CCDC91: variants seen among roughly 807,000 people sequenced by gnomAD.
The protein encoded by CCDC91 is coiled-coil domain containing 91.
Under a neutral mutation model 63.2 loss-of-function variants are expected in CCDC91, and 48 were observed. That is an observed-to-expected ratio of 0.76 (90% CI 0.60 to 0.97). CCDC91 has a LOEUF of 0.97. CCDC91 is among the 50% of genes least tolerant of loss of function. The pLI, the probability that CCDC91 is intolerant of heterozygous loss-of-function variation, is 0.00. For synonymous variants in CCDC91, 167 were observed against 165.8 expected (o/e 1.01, Z -0.06); for missense variants, 500 against 494.6 (o/e 1.01, Z -0.10).
chr12:28,486,890 A>G lies in CCDC91; in HGVS notation c.1215+2725A>G, dbSNP rs149058200. The stretch of plus-strand genomic sequence containing the variant: ...GTTTCCTTATATATTAAGGAGAATA[A>G]ATCTAATACCTACCTTGCAGAGTTG... On this transcript the variant is annotated intron_variant, in intron 12 of 12. Coordinates refer to ENST00000536442, the MANE Select transcript of CCDC91 (RefSeq NM_018318.5). 6.6e-5 allele frequency among the ~76,000 whole-genome samples: 10 copies of G among 152,136 alleles called. 1 individual carries two copies. Among genetic ancestry groups the G allele is most frequent in the African/African-American group, 2.2e-4 (9 of 41,562 alleles).
Position 28,396,644 on chromosome 12 carries a change from T to G in CCDC91, c.762+5233T>G, listed in dbSNP as rs2638951. 1.1e-3 allele frequency among the ~76,000 whole-genome samples: 18 copies of G among 15,730 alleles called. 1 individual carries two copies. The highest frequency in any genetic ancestry group is 0.029 in the South Asian group (2 of 68). The allele number at this position is 15,730 out of a possible 152,430, so 10.3% of individuals were successfully genotyped here. ...TAGATGCTCATTGATAAAGGAGATTTTGTGTGTGTGTGTGTGTGTGTGTGT... is the reference window on the plus strand; with the variant it reads ...TAGATGCTCATTGATAAAGGAGATTGTGTGTGTGTGTGTGTGTGTGTGTGT... On this transcript the variant is annotated intron_variant, in intron 8 of 12. Transcript: ENST00000536442.
chr12:28,441,079 AAAAAAG>A (rs1367514239), intron 8 of CCDC91, among the ~76,000 whole-genome samples: 4 of 23,714 alleles, frequency 1.7e-4, no homozygotes, highest in Non-Finnish European at 2.9e-4. Context: ...AAAAAAAAAA[AAAAAAG>A]AAAAGAAAAA....
chr12:28,503,389 C>T (rs1938235115), intron 12 of CCDC91, among the ~76,000 whole-genome samples: 1 of 152,174 alleles, frequency 6.6e-6, no homozygotes, highest in Non-Finnish European at 1.5e-5. Flanking sequence ...AATGAGATAC[C>T]ACCTCACACC....
chr12:28,293,020 A>G (rs1949343321), intron 3 of CCDC91, among the ~76,000 whole-genome samples: 2 of 152,232 alleles, frequency 1.3e-5, no homozygotes, highest in African/African-American at 2.4e-5. Context: ...TCTTTTTCAT[A>G]GATATTTCTA....
intron 11 of CCDC91, among the ~76,000 whole-genome samples, chr12:28,471,599 G>A (rs958661105): frequency 4.3e-4 from 66 of 152,122 alleles, no homozygotes; most frequent in Non-Finnish European, 7.8e-4. Flanking sequence ...GGTCAAGGAA[G>A]TTGTATCTCC....
intron 7 of CCDC91, among the ~76,000 whole-genome samples, chr12:28,367,445 T>C (rs1226411660): frequency 2.0e-5 from 3 of 152,018 alleles, no homozygotes; most frequent in Non-Finnish European, 1.5e-5. Flanking sequence ...ATTCGAACAG[T>C]ATAGAGAAAA....
intron 11 of CCDC91, among the ~76,000 whole-genome samples, chr12:28,472,045 C>T (rs1191533692): frequency 6.6e-6 from 1 of 152,212 alleles, no homozygotes; most frequent in Non-Finnish European, 1.5e-5. Context: ...GCCACCACGC[C>T]CGGCCCATTG....
At chr12:28,224,743 A>AT (rs1944164672) in intron 1 of CCDC91, among the ~76,000 whole-genome samples, 1 of 152,200 alleles carries the variant, frequency 6.6e-6, no homozygotes, top group Non-Finnish European at 1.5e-5. Context: ...TGCTATTCAC[A>AT]TTTCTGGCCA....
At chr12:28,201,073 C>T (rs528860993) in intron 1 of CCDC91, among the ~76,000 whole-genome samples, 23 of 148,952 alleles carry the variant, frequency 1.5e-4, no homozygotes, top group African/African-American at 4.7e-4. Flanking sequence ...CCAGTAGAGG[C>T]GGCAGGGCAG....
rs184661497 is a variant in CCDC91, at chr12:28,493,146, T to A, written c.1215+8981T>A. On this transcript the variant is annotated intron_variant, in intron 12 of 12. Coordinates refer to ENST00000536442, the MANE Select transcript of CCDC91 (RefSeq NM_018318.5). Reference sequence around the variant, plus strand: ...ACTGTCTCAATCCTCACAACAACCCTAAAATAATACCTCATTTTACAGATA... The same window carrying A: ...ACTGTCTCAATCCTCACAACAACCCAAAAATAATACCTCATTTTACAGATA... Among the ~76,000 whole-genome samples, 337 of 151,756 alleles carry A rather than the reference T, an allele frequency of 2.2e-3. 6 individuals are homozygous for A. The highest frequency in any genetic ancestry group is 7.6e-3 in the African/African-American group (316 of 41,492).
intron 1 of CCDC91, among the ~76,000 whole-genome samples, chr12:28,221,531 T>C (rs551400541): frequency 1.2e-4 from 19 of 152,366 alleles, no homozygotes; most frequent in African/African-American, 4.6e-4. Flanking sequence ...TCTGACTCTT[T>C]GTTATGTCAC....
rs1258552606 is a variant in CCDC91, at chr12:28,524,419, G to A, written c.1216-24644G>A. Among the ~76,000 whole-genome samples, 3 of 152,056 alleles carry A rather than the reference G, an allele frequency of 2.0e-5. No individual in the cohort carries two copies. In the East Asian group the frequency reaches 5.8e-4, roughly 29 times the overall value. On this transcript the variant is annotated intron_variant, in intron 12 of 12. Transcript: ENST00000536442. The stretch of plus-strand genomic sequence containing the variant: ...GTATCACATTTATTGACTTGCATAT[G>A]TTAAACTATCCCTGCATCCCTGGTA...
chr12:28,246,601 T>G (rs1945752998), intron 1 of CCDC91, among the ~76,000 whole-genome samples: 1 of 152,136 alleles, frequency 6.6e-6, no homozygotes, highest in Admixed American at 6.5e-5. Context: ...GAGTTGAGAT[T>G]GACATGATAG....
At chr12:28,359,789 C>CTTTTTTTTTTTTTTTTTTTTTTTTT (rs1565853581) in intron 6 of CCDC91, among the ~76,000 whole-genome samples, 3 of 150,402 alleles carry the variant, frequency 2.0e-5, no homozygotes, top group African/African-American at 7.5e-5. Flanking sequence ...TTTCTATTTA[C>CTTTTTTTTTTTTTTTTTTTTTTTTT]TTTTAAAATC....
At chr12:28,234,758 GT>G (rs112846782) in intron 1 of CCDC91, among the ~76,000 whole-genome samples, 192 of 142,884 alleles carry the variant, frequency 1.3e-3, no homozygotes, top group Non-Finnish European at 1.8e-3. Context: ...TAATTTGAAA[GT>G]TTTTTTTTTT....
chr12:28,206,587 G>A (rs1180561006), intron 1 of CCDC91, among the ~76,000 whole-genome samples: 1 of 152,128 alleles, frequency 6.6e-6, no homozygotes, highest in Non-Finnish European at 1.5e-5. Flanking sequence ...CAGAGAATGA[G>A]CTAGATAAAG....
intron 12 of CCDC91, among the ~76,000 whole-genome samples, chr12:28,514,602 A>C (rs1275386038): frequency 2.0e-5 from 3 of 151,978 alleles, no homozygotes; most frequent in African/African-American, 7.2e-5. Flanking sequence ...GTTATCTTCC[A>C]GGGTTTTTAA....
At chr12:28,459,951 C>T (rs1238268259) in intron 11 of CCDC91, among the ~76,000 whole-genome samples, 3 of 152,020 alleles carry the variant, frequency 2.0e-5, no homozygotes, top group Non-Finnish European at 2.9e-5. Context: ...TATTTTTTAG[C>T]GATGTGGTTT....
At chr12:28,228,759 T>A (rs1209571475) in intron 1 of CCDC91, among the ~76,000 whole-genome samples, 1 of 152,112 alleles carries the variant, frequency 6.6e-6, no homozygotes, top group East Asian at 1.9e-4. Flanking sequence ...TGGTTGGAAA[T>A]GAAAGAAAGC....
Sources: gnomAD v4.1 joint callset for allele counts (sites outside exome capture counted in the v4.1 genomes callset) on GRCh38, gnomAD v4.1.1 for gene constraint, MANE v1.5 for transcripts, NCBI Gene and HGNC (gene_info 2026-07-23, HGNC 2026-07-21) for gene names.